The following ADH1A variants were observed in gnomAD, a reference collection of about 807,000 sequenced individuals.
The protein encoded by ADH1A is alcohol dehydrogenase 1A (class I), alpha polypeptide.
In ADH1A, 29 loss-of-function variants were observed where a neutral mutation model predicts 35.2. The observed-to-expected ratio is 0.82, with a 90% confidence interval of 0.61 to 1.12. ADH1A has a LOEUF of 1.12. ADH1A is among the 50% of genes most tolerant of loss of function. The probability of loss-of-function intolerance (pLI) is 0.00; values close to 1 mark genes in which losing one functional copy is unlikely to be tolerated. For synonymous variants in ADH1A, 147 were observed against 164.8 expected (o/e 0.89, Z 0.83); for missense variants, 469 against 464.7 (o/e 1.01, Z -0.09).
At position 99,279,471 on chromosome 4, in the gene ADH1A, A is replaced by G. The variant is rs1223933596; in HGVS notation, c.1058T>C (p.Phe353Ser). 2 of 1,608,784 alleles carry G rather than the reference A, an allele frequency of 1.2e-6. No homozygotes were observed. Among genetic ancestry groups the G allele is most frequent in the East Asian group, 2.2e-5 (1 of 44,760 alleles). ...GTCAAATCCTTCATTTATTTTTTCA[A>G]AAGGTAAAACATGGGTTATTAATGC... ...LDALITHVLP[F>S]EKINEGFDLL... Residue 353 changes from phenylalanine (F) to serine (S), a missense_variant, in exon 8 of 9, where the codon TTT (phenylalanine) becomes TCT (serine). Transcript: ENST00000209668.
At chr4:99,290,380 C>T (rs1002916933) in intron 1 of ADH1A, among the ~76,000 whole-genome samples, 3 of 152,252 alleles carry the variant, frequency 2.0e-5, no homozygotes, top group African/African-American at 7.2e-5. Context: ...CTTGATGATT[C>T]TAATGCTGTG....
chr4:99,284,858 C>A (rs1341620476), intron 3 of ADH1A, 55 bp from the exon 4 acceptor site: 5 of 1,469,008 alleles, frequency 3.4e-6, no homozygotes, highest in Non-Finnish European at 4.7e-6. Context: ...ATTAATAGAG[C>A]AAAAACATAA....
chr4:99,286,224 A>G (rs901951173), intron 3 of ADH1A, among the ~76,000 whole-genome samples: 2 of 152,168 alleles, frequency 1.3e-5, no homozygotes, highest in Non-Finnish European at 2.9e-5. Context: ...GTTACATTTA[A>G]GCATGGCTGA....
In ADH1A at chr4:99,282,639, A is replaced by G. The variant is rs776947724; in HGVS notation, c.568-33T>C. 179 of 1,601,502 alleles carry G rather than the reference A, an allele frequency of 1.1e-4. 2 individuals are homozygous for G. Among genetic ancestry groups the G allele is most frequent in the South Asian group, 1.1e-5 (1 of 89,100 alleles). Reference sequence around the variant, plus strand: ...TTCAGAAAATGCAAAAATGGATTATAAAAACTTTATAAAGTGCCATGCTTA... The same window carrying G: ...TTCAGAAAATGCAAAAATGGATTATGAAAACTTTATAAAGTGCCATGCTTA... On this transcript the variant is annotated intron_variant, in intron 5 of 8. Coordinates refer to ENST00000209668, the MANE Select transcript of ADH1A (RefSeq NM_000667.4).
intron 8 of ADH1A, among the ~76,000 whole-genome samples, chr4:99,278,152 A>G (rs1579487630): frequency 6.6e-6 from 1 of 152,076 alleles, no homozygotes; most frequent in Non-Finnish European, 1.5e-5. Context: ...ATGACTTCTT[A>G]TGTTGCTCAA....
intron 1 of ADH1A, chr4:99,288,856 T>C (rs1204453544): frequency 1.3e-5 from 2 of 152,134 alleles, no homozygotes; most frequent in Non-Finnish European, 2.9e-5. Flanking sequence ...GTGCAGGTGT[T>C]TTCTGGTTAC....
chr4:99,283,069 C>T (rs28364319), intron 5 of ADH1A, among the ~76,000 whole-genome samples: 1 of 152,100 alleles, frequency 6.6e-6, no homozygotes, highest in Non-Finnish European at 1.5e-5. Flanking sequence ...AAAGGCTACT[C>T]CAGGAGACTG....
At chr4:99,284,689 T>A (rs764158602) in intron 4 of ADH1A, 27 bp downstream of exon 4, 7 of 1,613,696 alleles carry the variant, frequency 4.3e-6, no homozygotes, top group Non-Finnish European at 5.9e-6. Context: ...ACTCAATGTC[T>A]GCGCAGGGAG....
At chr4:99,287,141 AG>A in intron 2 of ADH1A, 153 bp from the exon 3 acceptor site, 8 of 965,576 alleles carry the variant, frequency 8.3e-6, no homozygotes, top group Non-Finnish European at 1.2e-5. Context: ...TTTATCCTCA[AG>A]GTTGACCAGG....
chr4:99,286,181 T>C (rs1043922915), intron 3 of ADH1A, among the ~76,000 whole-genome samples: 1 of 152,180 alleles, frequency 6.6e-6, no homozygotes, highest in African/African-American at 2.4e-5. Context: ...GTGTCCTAGT[T>C]ATTCTCCCTT....
At chr4:99,287,434 A>T in intron 2 of ADH1A, 130 bp downstream of exon 2, 1 of 883,996 alleles carries the variant, frequency 1.1e-6, no homozygotes, top group Non-Finnish European at 1.7e-6. Flanking sequence ...TTAAAAATTT[A>T]TATTTATACC....
chr4:99,277,287 T>G (rs1560516151), intron 8 of ADH1A, among the ~76,000 whole-genome samples: 1 of 152,124 alleles, frequency 6.6e-6, no homozygotes. Flanking sequence ...TTTAAGGATT[T>G]TTAGAAGTAG....
chr4:99,281,063 C>T lies in ADH1A; in HGVS notation c.829-784G>A, dbSNP rs192658784. On this transcript the variant is annotated intron_variant, in intron 6 of 8. Coordinates refer to ENST00000209668, the MANE Select transcript of ADH1A (RefSeq NM_000667.4). ...ATTTGGTATCTTGAGATAAGGTACA[C>T]TCCCGTTCCACATGAGAAAATGGAG... 3 of 152,286 alleles carry T rather than the reference C, an allele frequency of 2.0e-5. No individual in the cohort carries two copies. The East Asian group carries it at 5.8e-4, about 29-fold the overall frequency. 9.4% of individuals were successfully genotyped at this position (152,286 alleles called of 1,614,324 possible).
intron 6 of ADH1A, among the ~76,000 whole-genome samples, chr4:99,280,988 A>G (rs1732989181): frequency 6.6e-6 from 1 of 152,174 alleles, no homozygotes; most frequent in South Asian, 2.1e-4. Context: ...TTGATTTTGG[A>G]TTCTGACCTT....
rs1343096365 is a variant in ADH1A, at chr4:99,282,361, A to G, written c.813T>C (p.Gly271=). 6.2e-6 allele frequency: 10 copies of G among 1,614,096 alleles called. No individual in the cohort carries two copies. The Admixed American group carries it at 1.0e-4, about 16-fold the overall frequency. The change falls in exon 6 of 9, where the codon GGT becomes GGC. Residue 271 remains glycine, a synonymous_variant. Coordinates refer to ENST00000209668, the MANE Select transcript of ADH1A (RefSeq NM_000667.4). ...TGGTACATACCATGGTGTCAAGCCG[A>G]CCGATGACTTCAAATGAAAAATCCA... ...GGVDFSFEVI[G]RLDTMMASLL...
At chr4:99,285,063 G>A (rs1733116005) in intron 3 of ADH1A, among the ~76,000 whole-genome samples, 2 of 152,100 alleles carry the variant, frequency 1.3e-5, no homozygotes, top group Admixed American at 6.5e-5. Flanking sequence ...TGCTTCCACT[G>A]TATTAACAGT....
chr4:99,282,417 C>T lies in ADH1A; in HGVS notation c.757G>A (p.Glu253Lys), dbSNP rs1329436869. 1 of 1,614,142 alleles carries T rather than the reference C, an allele frequency of 6.2e-7. No homozygotes were observed. The highest frequency in any genetic ancestry group is 1.7e-5 in the Admixed American group (1 of 60,018). Residue 253 changes from glutamate (E) to lysine (K), a missense_variant, in exon 6 of 9, where the codon GAG becomes AAG. By Grantham distance (56) the Glu-to-Lys change is moderately conservative (BLOSUM62 1). Coordinates refer to ENST00000209668, the MANE Select transcript of ADH1A (RefSeq NM_000667.4). ...NPQDYKKPIQ[E>K]VLKEMTDGGV... Reference sequence around the variant, plus strand: ...CCATCAGTCATTTCCTTTAGCACCTCCTGGATGGGTTTCTTGTAGTCTTGA... The same window carrying T: ...CCATCAGTCATTTCCTTTAGCACCTTCTGGATGGGTTTCTTGTAGTCTTGA...
Position 99,290,935 on chromosome 4 carries a change from A to T in ADH1A, c.-21T>A. The T allele has an allele frequency of 6.2e-7, 1 of 1,613,860 alleles. No individual in the cohort carries two copies. Among genetic ancestry groups the T allele is most frequent in the Non-Finnish European group, 8.5e-7 (1 of 1,179,760 alleles). On this transcript the variant is annotated 5_prime_UTR_variant, in exon 1 of 9. Coordinates refer to ENST00000209668, the MANE Select transcript of ADH1A (RefSeq NM_000667.4). ...CTCATGTTGATTCTGTCTTCTCTGC[A>T]GACCAGGAGACTGGTGAGTCCTTGT...
Position 99,282,358 on chromosome 4 carries a change from C to T in ADH1A, c.816G>A (p.Arg272=). Residue 272 remains arginine, a synonymous_variant, in exon 6 of 9, where the codon CGG becomes CGA. Coordinates refer to ENST00000209668, the MANE Select transcript of ADH1A (RefSeq NM_000667.4). ...GVDFSFEVIG[R]LDTMMASLLC... is the part of the protein sequence containing the mutation. ...TCATGGTACATACCATGGTGTCAAG[C>T]CGACCGATGACTTCAAATGAAAAAT... The T allele has an allele frequency of 4.3e-6, 7 of 1,614,138 alleles. No individual in the cohort carries two copies. The highest frequency in any genetic ancestry group is 5.9e-6 in the Non-Finnish European group (7 of 1,180,012).
Sources: allele counts gnomAD v4.1 joint callset (sites outside exome capture counted in the v4.1 genomes callset), GRCh38; gene constraint gnomAD v4.1.1; transcripts MANE v1.5; gene names NCBI Gene and HGNC (gene_info 2026-07-23, HGNC 2026-07-21).